Variants in ZSWIM5 observed in about 807,000 individuals in gnomAD.
The protein encoded by ZSWIM5 is zinc finger SWIM domain-containing protein 5.
In ZSWIM5, 55 loss-of-function variants were observed where a neutral mutation model predicts 119.6. The ratio of observed to expected loss-of-function variants is 0.46; its 90% confidence interval spans 0.37 to 0.58. ZSWIM5 has a LOEUF of 0.58. ZSWIM5 is among the 20% of genes least tolerant of loss of function. ZSWIM5 has a pLI of 0.00. For synonymous variants in ZSWIM5, 537 were observed against 606.9 expected, an observed-to-expected ratio of 0.88 and a Z score of 1.69; for missense variants, 1,193 against 1,512.8, an observed-to-expected ratio of 0.79 and a Z score of 3.51.
chr1:45,021,948 G>C (rs949011768), intron 11 of ZSWIM5, among the ~76,000 whole-genome samples: 2 of 148,998 alleles, frequency 1.3e-5, no homozygotes, highest in African/African-American at 5.0e-5. Flanking sequence ...CTTGAACCTG[G>C]GAGGCGGAGG....
intron 1 of ZSWIM5, among the ~76,000 whole-genome samples, chr1:45,138,432 G>A (rs1645702731): frequency 6.8e-6 from 1 of 147,624 alleles, no homozygotes. Context: ...CTGAACCCAG[G>A]AGAAGGAGGT....
intron 1 of ZSWIM5, among the ~76,000 whole-genome samples, chr1:45,174,683 T>A (rs1371292842): frequency 6.6e-6 from 1 of 151,856 alleles, no homozygotes; most frequent in Admixed American, 6.6e-5. Flanking sequence ...GAGTTTGCAG[T>A]GAGCTGAGAT....
intron 1 of ZSWIM5, among the ~76,000 whole-genome samples, chr1:45,158,439 G>A (rs1645844263): frequency 6.6e-6 from 1 of 152,162 alleles, no homozygotes; most frequent in Non-Finnish European, 1.5e-5. Flanking sequence ...AAAGTGCTGG[G>A]ATTACAGATG....
chr1:45,120,817 C>A lies in ZSWIM5; in HGVS notation c.596-32580G>T, dbSNP rs540892797. ...TTCTCCACTACTCTCGAACTTCCAA[C>A]CTCCCCCAAAGCTTCTAAACCTATA... On this transcript the variant is annotated intron_variant, in intron 1 of 13. Transcript: ENST00000359600. Among the ~76,000 whole-genome samples the A allele has an allele frequency of 2.6e-5, 4 of 152,234 alleles. No individual in the cohort carries two copies. In the East Asian group the frequency reaches 7.7e-4, roughly 29 times the overall value.
intron 1 of ZSWIM5, among the ~76,000 whole-genome samples, chr1:45,162,677 G>A (rs3009982): frequency 1 from 152,374 of 152,378 alleles, 76,185 homozygotes; most frequent in Middle Eastern, 1. Flanking sequence ...ATTATATCCC[G>A]TGCCTGGCTT....
chr1:45,035,910 G>A, intron 9 of ZSWIM5, 87 bp from the exon 10 acceptor site: 1 of 1,579,212 alleles, frequency 6.3e-7, no homozygotes, highest in South Asian at 1.2e-5. Flanking sequence ...ATGCATGTTT[G>A]CTAATCATGG....
intron 1 of ZSWIM5, among the ~76,000 whole-genome samples, chr1:45,203,106 C>T (rs1003812772): frequency 5.3e-5 from 8 of 151,906 alleles, no homozygotes; most frequent in Admixed American, 2.6e-4. Context: ...CAATTTTCCC[C>T]TTTTAAAAGG....
intron 2 of ZSWIM5, among the ~76,000 whole-genome samples, chr1:45,071,248 C>G (rs1393631862): frequency 6.6e-6 from 1 of 152,016 alleles, no homozygotes; most frequent in Admixed American, 6.6e-5. Context: ...CATTAACCAT[C>G]CCCACCTCCC....
At chr1:45,071,268 C>G (rs1031704284) in intron 2 of ZSWIM5, among the ~76,000 whole-genome samples, 1 of 152,048 alleles carries the variant, frequency 6.6e-6, no homozygotes, top group Admixed American at 6.6e-5. Flanking sequence ...CTGACATCCC[C>G]CCACTACCCT....
chr1:45,125,587 A>G (rs541881678), intron 1 of ZSWIM5, among the ~76,000 whole-genome samples: 190 of 152,052 alleles, frequency 1.2e-3, no homozygotes, highest in African/African-American at 4.1e-3. Flanking sequence ...CACCCTGGCT[A>G]ACATGGTGAA....
intron 1 of ZSWIM5, among the ~76,000 whole-genome samples, chr1:45,195,046 C>T (rs1003903814): frequency 6.6e-6 from 1 of 152,116 alleles, no homozygotes; most frequent in Admixed American, 6.5e-5. Flanking sequence ...CTCTCTTCCC[C>T]CATAGTAACT....
At chr1:45,180,015 G>C (rs190029069) in intron 1 of ZSWIM5, among the ~76,000 whole-genome samples, 1 of 152,142 alleles carries the variant, frequency 6.6e-6, no homozygotes, top group Non-Finnish European at 1.5e-5. Flanking sequence ...CACAGAAGAC[G>C]GGTGATTTCT....
At chr1:45,119,845 C>A (rs1337805707) in intron 1 of ZSWIM5, among the ~76,000 whole-genome samples, 2 of 152,192 alleles carry the variant, frequency 1.3e-5, no homozygotes, top group Non-Finnish European at 2.9e-5. Context: ...TCATCTTACA[C>A]CTCCCAGAGA....
At chr1:45,199,279 T>G (rs993242196) in intron 1 of ZSWIM5, among the ~76,000 whole-genome samples, 1 of 152,050 alleles carries the variant, frequency 6.6e-6, no homozygotes, top group African/African-American at 2.4e-5. Context: ...GTACTTCAGC[T>G]TTTGCTTCAA....
In ZSWIM5 at chr1:45,034,519, C is replaced by G. The variant is rs373891749; in HGVS notation, c.2292-50G>C. ...AGCCACCATCCAGACCCTGGGCTTC[C>G]GAGCCACCTTAGAGAAGCTTGCTCT... On this transcript the variant is annotated intron_variant, in intron 10 of 13. Transcript: ENST00000359600. The G allele has an allele frequency of 3.9e-6, 6 of 1,544,012 alleles. No individual in the cohort carries two copies. In the African/African-American group the frequency reaches 5.5e-5, roughly 14 times the overall value.
rs1646184546 is a variant in ZSWIM5, at chr1:45,205,768, C to T, written c.583G>A (p.Val195Met). 4 of 1,567,266 alleles carry T rather than the reference C, an allele frequency of 2.6e-6. No homozygotes were observed. Among genetic ancestry groups the T allele is most frequent in the Admixed American group, 3.5e-5 (2 of 57,454 alleles). Reference protein sequence around the residue: ...RLLDSGSVENVLQVGFHLSGT... With the variant: ...RLLDSGSVENMLQVGFHLSGT... The stretch of plus-strand genomic sequence containing the variant: ...GACGAGCACATACCGACTTGCAGCA[C>T]GTTCTCCACGGAGCCGCTGTCCAGC... Residue 195 changes from valine (V) to methionine (M), a missense_variant, in exon 1 of 14, where the codon GTG (valine) becomes ATG (methionine). By Grantham distance (21) the Val-to-Met change is conservative. Around this residue, in one of 2 missense-constraint regions of ZSWIM5, gnomAD observed 961 missense variants for 1,290.0 expected, o/e 0.74. Transcript: ENST00000359600.
Position 45,030,526 on chromosome 1 carries a change from C to T in ZSWIM5, c.2449+3786G>A, listed in dbSNP as rs147882681. Reference sequence around the variant, plus strand: ...CCTCCCAAAGTGCTGGGATTACAGGCGTGAGCCACTGAGCCTGGCCCTGGC... The same window carrying T: ...CCTCCCAAAGTGCTGGGATTACAGGTGTGAGCCACTGAGCCTGGCCCTGGC... On this transcript the variant is annotated intron_variant, in intron 11 of 13. Transcript: ENST00000359600. Among the ~76,000 whole-genome samples the T allele has an allele frequency of 6.7e-3, 1,025 of 152,318 alleles. 12 individuals carry two copies. Among genetic ancestry groups the T allele is most frequent in the African/African-American group, 0.023 (968 of 41,570 alleles).
At chr1:45,092,597 C>G (rs1645375251) in intron 1 of ZSWIM5, among the ~76,000 whole-genome samples, 1 of 150,662 alleles carries the variant, frequency 6.6e-6, no homozygotes, top group Non-Finnish European at 1.5e-5. Context: ...GCCCCCGCAC[C>G]TGGCCCGATG....
At chr1:45,185,395 C>T (rs978752519) in intron 1 of ZSWIM5, among the ~76,000 whole-genome samples, 8 of 151,648 alleles carry the variant, frequency 5.3e-5, no homozygotes, top group South Asian at 2.1e-4. Flanking sequence ...CCAAAATTGA[C>T]AAATGGGATC....
Sources: gnomAD v4.1 joint callset for allele counts (sites outside exome capture counted in the v4.1 genomes callset) on GRCh38, gnomAD v4.1.1 for gene constraint, gnomAD v4.1.1 regional missense constraint, MANE v1.5 for transcripts, NCBI Gene and HGNC (gene_info 2026-07-23, HGNC 2026-07-21) for gene names.